ZC3H12B: variants seen among roughly 807,000 people sequenced by gnomAD.
ZC3H12B encodes the protein zinc finger CCCH-type containing 12B.
Under a neutral mutation model 43.9 loss-of-function variants are expected in ZC3H12B, and 7 were observed. That is an observed-to-expected ratio of 0.16 (90% CI 0.09 to 0.30). The LOEUF (loss-of-function observed/expected upper bound fraction) is 0.30, where lower values mean the gene tolerates loss of function less well. Among genes scored for constraint, ZC3H12B ranks in the 10% least tolerant of loss-of-function variants. The pLI, the probability that ZC3H12B is intolerant of heterozygous loss-of-function variation, is 1.00. For missense variants in ZC3H12B, 475 were observed against 670.2 expected (o/e 0.71, Z 3.22); for synonymous variants, 222 against 241.7 (o/e 0.92, Z 0.76).
the ZC3H12B span, among the ~76,000 whole-genome samples, chrX:65,144,577 C>G: frequency 9.0e-6 from 1 of 111,426 alleles, no homozygotes; most frequent in Non-Finnish European, 1.9e-5. Context: ...TCTGTTTGTG[C>G]TCTTTGAGAC....
chrX:65,336,501 C>T, the ZC3H12B span, among the ~76,000 whole-genome samples: 6 of 112,669 alleles, frequency 5.3e-5, no homozygotes, highest in Non-Finnish European at 1.1e-4. Flanking sequence ...AGCCACTCTG[C>T]TTAGCACCAA....
At chrX:65,346,426 C>T in the ZC3H12B span, among the ~76,000 whole-genome samples, 5 of 111,353 alleles carry the variant, frequency 4.5e-5, no homozygotes, top group Non-Finnish European at 9.4e-5. Context: ...TAGCAATATG[C>T]AGAAGAATGA....
intron 2 of ZC3H12B, among the ~76,000 whole-genome samples, chrX:65,389,723 C>T (rs1172721014): frequency 1.8e-5 from 2 of 112,516 alleles, no homozygotes; most frequent in Non-Finnish European, 1.9e-5. Flanking sequence ...TTCTGCGTCG[C>T]TCATGCTGGG....
At chrX:65,204,467 A>G in the ZC3H12B span, among the ~76,000 whole-genome samples, 6 of 112,232 alleles carry the variant, frequency 5.3e-5, no homozygotes, top group African/African-American at 1.9e-4. Flanking sequence ...ATCAATGATT[A>G]GTATCTATTA....
the ZC3H12B span, among the ~76,000 whole-genome samples, chrX:65,131,007 T>C: frequency 1.8e-5 from 2 of 112,133 alleles, no homozygotes; most frequent in African/African-American, 6.5e-5. Flanking sequence ...TTAATGATGG[T>C]GGACCCTTGC....
chrX:65,360,572 T>G, the ZC3H12B span, among the ~76,000 whole-genome samples: 1 of 111,995 alleles, frequency 8.9e-6, no homozygotes, highest in Non-Finnish European at 1.9e-5. Context: ...ATAGAGCAAT[T>G]AGAACTCCTA....
chrX:65,134,836 G>A, the ZC3H12B span, among the ~76,000 whole-genome samples: 1 of 111,349 alleles, frequency 9.0e-6, no homozygotes, highest in Non-Finnish European at 1.9e-5. Context: ...TTAGGGGTGG[G>A]GCAGTTTTGT....
At chrX:65,235,899 G>A in the ZC3H12B span, among the ~76,000 whole-genome samples, 559 of 111,447 alleles carry the variant, frequency 5.0e-3, 2 homozygotes, top group African/African-American at 0.016. Flanking sequence ...GTGGAATAAA[G>A]TACATGGACA....
the ZC3H12B span, among the ~76,000 whole-genome samples, chrX:65,330,309 G>T: frequency 9.0e-6 from 1 of 111,698 alleles, no homozygotes; most frequent in Non-Finnish European, 1.9e-5. Flanking sequence ...TTTGGGCTGA[G>T]ACAGTGGGGT....
At chrX:65,465,086 T>C (rs2067800230) in intron 3 of ZC3H12B, among the ~76,000 whole-genome samples, 1 of 111,562 alleles carries the variant, frequency 9.0e-6, no homozygotes, top group Non-Finnish European at 1.9e-5. Context: ...AGCTGTCAGA[T>C]GTAATGTTCT....
At chrX:65,175,226 C>A in the ZC3H12B span, among the ~76,000 whole-genome samples, 12 of 111,956 alleles carry the variant, frequency 1.1e-4, no homozygotes, top group Non-Finnish European at 1.5e-4. Flanking sequence ...CTAACCAGTC[C>A]CAGTGAGATG....
intron 3 of ZC3H12B, among the ~76,000 whole-genome samples, chrX:65,438,665 C>T (rs1033612653): frequency 8.8e-6 from 1 of 113,098 alleles, no homozygotes; most frequent in South Asian, 3.6e-4. Flanking sequence ...AAAAGTATCC[C>T]TTAAGGGAAA....
At chrX:65,329,478 A>C in the ZC3H12B span, among the ~76,000 whole-genome samples, 4,068 of 86,231 alleles carry the variant, frequency 0.047, 1,242 homozygotes, top group African/African-American at 0.48. Flanking sequence ...GGTTGCGAAA[A>C]TTTTCTCCCA....
chrX:65,344,852 T>C, the ZC3H12B span, among the ~76,000 whole-genome samples: 2 of 111,818 alleles, frequency 1.8e-5, no homozygotes, highest in Non-Finnish European at 1.9e-5. Flanking sequence ...ATCAGAAACA[T>C]AAATTTACAA....
the ZC3H12B span, among the ~76,000 whole-genome samples, chrX:65,356,215 A>T: frequency 9.0e-6 from 1 of 111,381 alleles, no homozygotes; most frequent in Admixed American, 9.6e-5. Context: ...CAACCTATAT[A>T]ATTTGCACTT....
At chrX:65,473,807 GT>G (rs956426211) in intron 3 of ZC3H12B, among the ~76,000 whole-genome samples, 1 of 111,249 alleles carries the variant, frequency 9.0e-6, no homozygotes, top group Non-Finnish European at 1.9e-5. Context: ...TTGCTTTCTA[GT>G]TTTTTTCATT....
At chrX:65,430,517 C>T (rs1278898961) in intron 3 of ZC3H12B, among the ~76,000 whole-genome samples, 1 of 71,887 alleles carries the variant, frequency 1.4e-5, no homozygotes, top group African/African-American at 5.6e-5. Context: ...CAACAGGCCT[C>T]GGTGTGTGAT....
At chrX:65,256,277 A>T in the ZC3H12B span, among the ~76,000 whole-genome samples, 1 of 112,181 alleles carries the variant, frequency 8.9e-6, no homozygotes, top group Non-Finnish European at 1.9e-5. Flanking sequence ...AATTAACTAC[A>T]CAGTTGGACA....
intron 1 of ZC3H12B, among the ~76,000 whole-genome samples, chrX:65,495,401 A>T (rs900080751): frequency 2.7e-5 from 3 of 112,118 alleles, no homozygotes; most frequent in Non-Finnish European, 5.6e-5. Flanking sequence ...ATTGAAAGGG[A>T]ACAATATGTT....
Sources: gnomAD v4.1 joint callset for allele counts (sites outside exome capture counted in the v4.1 genomes callset) on GRCh38, gnomAD v4.1.1 for gene constraint, MANE v1.5 for transcripts, NCBI Gene and HGNC (gene_info 2026-07-23, HGNC 2026-07-21) for gene names.